The following SDK2 variants were observed in gnomAD, a reference collection of about 807,000 sequenced individuals.
SDK2 encodes sidekick cell adhesion molecule 2, also known as protein sidekick-2.
SDK2 carries 105 observed loss-of-function variants against 253.9 expected under a neutral mutation model. That is an observed-to-expected ratio of 0.41 (90% CI 0.35 to 0.49). The LOEUF (loss-of-function observed/expected upper bound fraction) is 0.49, where lower values mean the gene tolerates loss of function less well. Among genes scored for constraint, SDK2 ranks in the 20% least tolerant of loss-of-function variants. The probability of loss-of-function intolerance (pLI) is 0.06; values close to 1 mark genes in which losing one functional copy is unlikely to be tolerated. For synonymous variants in SDK2, 1,249 were observed against 1,234.9 expected, an observed-to-expected ratio of 1.01 and a Z score of -0.24; for missense variants, 2,608 against 3,003.0, an observed-to-expected ratio of 0.87 and a Z score of 3.07.
At chr17:73,551,684 C>A (rs9891077) in intron 1 of SDK2, among the ~76,000 whole-genome samples, 40,591 of 152,054 alleles carry the variant, frequency 0.27, 7,606 homozygotes, top group African/African-American at 0.53. Flanking sequence ...TTGCTATGGA[C>A]GCTGTGGATG....
At chr17:73,359,883 C>T (rs2062626782) in intron 39 of SDK2, among the ~76,000 whole-genome samples, 1 of 152,198 alleles carries the variant, frequency 6.6e-6, no homozygotes, top group African/African-American at 2.4e-5. Flanking sequence ...CTCAGGCAAT[C>T]CACCCGCCTC....
intron 1 of SDK2, among the ~76,000 whole-genome samples, chr17:73,548,004 T>G (rs2044993061): frequency 6.6e-6 from 1 of 152,110 alleles, no homozygotes; most frequent in African/African-American, 2.4e-5. Context: ...GATGGGGAAG[T>G]GCCACACACT....
At chr17:73,392,012 G>T (rs543560264) in intron 27 of SDK2, among the ~76,000 whole-genome samples, 1 of 152,284 alleles carries the variant, frequency 6.6e-6, no homozygotes, top group Non-Finnish European at 1.5e-5. Flanking sequence ...TCCCTGCCCA[G>T]AGAGGCCTAA....
At position 73,592,557 on chromosome 17, in the gene SDK2, T is replaced by A. The variant is rs116418431; in HGVS notation, c.64+51468A>T. Among the ~76,000 whole-genome samples, 941 of 152,248 alleles carry A rather than the reference T, an allele frequency of 6.2e-3. 12 individuals are homozygous for A. Among genetic ancestry groups the A allele is most frequent in the African/African-American group, 0.022 (907 of 41,532 alleles). On this transcript the variant is annotated intron_variant, in intron 1 of 44. Coordinates refer to ENST00000392650, the MANE Select transcript of SDK2 (RefSeq NM_001144952.2). ...TGTCCCCACCACCTCCTGGCCTGGTTAGCTGGCTTCCAGAAATGTGACTGT... is the reference window on the plus strand; with the variant it reads ...TGTCCCCACCACCTCCTGGCCTGGTAAGCTGGCTTCCAGAAATGTGACTGT...
At chr17:73,608,191 T>C (rs533456261) in intron 1 of SDK2, among the ~76,000 whole-genome samples, 72 of 152,186 alleles carry the variant, frequency 4.7e-4, no homozygotes, top group African/African-American at 1.6e-3. Context: ...TTGGACGACC[T>C]CAACAGTTTT....
rs1366094682 is a variant in SDK2, at chr17:73,390,102, T to G, written c.4192+185A>C. Among the ~76,000 whole-genome samples the G allele has an allele frequency of 2.6e-5, 4 of 152,350 alleles. No individual in the cohort carries two copies. The East Asian group carries it at 7.7e-4, about 29-fold the overall frequency. On this transcript the variant is annotated intron_variant, in intron 29 of 44. Transcript: ENST00000392650. ...AGAGTAGGGTCCTTGGGTGTGAACT[T>G]GCGGCTCATCTCTGGGAGTCTATTA...
At position 73,616,468 on chromosome 17, in the gene SDK2, G is replaced by A. The variant is rs1368147380; in HGVS notation, c.64+27557C>T. 2.0e-5 allele frequency among the ~76,000 whole-genome samples: 3 copies of A among 152,176 alleles called. No homozygotes were observed. The highest frequency in any genetic ancestry group is 2.9e-5 in the Non-Finnish European group (2 of 68,044). ...GACCGTGGCCTCAAGGACCACTGTCGCAATGCTTAGGCCTGAGCACGCATT... is the reference window on the plus strand; with the variant it reads ...GACCGTGGCCTCAAGGACCACTGTCACAATGCTTAGGCCTGAGCACGCATT... On this transcript the variant is annotated intron_variant, in intron 1 of 44. Coordinates refer to ENST00000392650, the MANE Select transcript of SDK2 (RefSeq NM_001144952.2). This position sits in a 1 kb window ranked among gnomAD's most constrained non-coding sequence, Gnocchi z 5.2.
intron 1 of SDK2, among the ~76,000 whole-genome samples, chr17:73,613,544 C>T (rs1393953485): frequency 6.6e-6 from 1 of 152,016 alleles, no homozygotes; most frequent in African/African-American, 2.4e-5. Context: ...TGTTTGCAGG[C>T]ATTTGGGAGG....
At position 73,442,587 on chromosome 17, in the gene SDK2, C is replaced by T. The variant is rs141137186; in HGVS notation, c.614-1664G>A. ...AACTTCTGACCTCAGATGATCCACC[C>T]GCCTCGGCCTCCCAAAGTGCTGGGA... On this transcript the variant is annotated intron_variant, in intron 5 of 44. Transcript: ENST00000392650. Among the ~76,000 whole-genome samples, 373 of 152,196 alleles carry T rather than the reference C, an allele frequency of 2.5e-3. 13 individuals carry two copies. In the East Asian group the frequency reaches 0.065, roughly 26 times the overall value.
rs752387979 is a variant in SDK2, at chr17:73,431,624, G to A, written c.1358C>T (p.Thr453Ile). Reference sequence around the variant, plus strand: ...GAGGAGGCTGCCCGACTCCAGGGGTGTGAAGCGAGGCAGCTGCACAGAGCC... The same window carrying A: ...GAGGAGGCTGCCCGACTCCAGGGGTATGAAGCGAGGCAGCTGCACAGAGCC... ...ASGSVQLPRFTPLESGSLLIS... is the reference protein window; with the variant it reads ...ASGSVQLPRFIPLESGSLLIS... The change falls in exon 11 of 45, where the codon ACA becomes ATA. Residue 453 changes from threonine to isoleucine, a missense_variant. Physicochemically the swap from Thr to Ile is moderately conservative, Grantham distance 89. Coordinates refer to ENST00000392650, the MANE Select transcript of SDK2 (RefSeq NM_001144952.2). The surrounding 1 kb of genome is among the most constrained non-coding windows in gnomAD (Gnocchi z 5.6). 1 of 1,613,246 alleles carries A rather than the reference G, an allele frequency of 6.2e-7. No individual in the cohort carries two copies. Among genetic ancestry groups the A allele is most frequent in the Non-Finnish European group, 8.5e-7 (1 of 1,179,608 alleles).
intron 1 of SDK2, among the ~76,000 whole-genome samples, chr17:73,627,867 G>A (rs2046221830): frequency 2.0e-5 from 3 of 152,146 alleles, no homozygotes; most frequent in South Asian, 4.1e-4. Flanking sequence ...GGCTAACACG[G>A]TGAAACCCCG....
At position 73,541,088 on chromosome 17, in the gene SDK2, C is replaced by A. The variant is rs1219908261; in HGVS notation, c.65-33491G>T. Reference sequence around the variant, plus strand: ...GAGTAGGTGTCTGCCAGTGTCTGCCCAGCCCCTAACATGGGGCACCCCTCC... The same window carrying A: ...GAGTAGGTGTCTGCCAGTGTCTGCCAAGCCCCTAACATGGGGCACCCCTCC... On this transcript the variant is annotated intron_variant, in intron 1 of 44. Coordinates refer to ENST00000392650, the MANE Select transcript of SDK2 (RefSeq NM_001144952.2). The surrounding 1 kb of genome is among the most constrained non-coding windows in gnomAD (Gnocchi z 4.3). Among the ~76,000 whole-genome samples the A allele has an allele frequency of 6.6e-6, 1 of 152,230 alleles. No homozygotes were observed. Among genetic ancestry groups the A allele is most frequent in the Non-Finnish European group, 1.5e-5 (1 of 68,038 alleles).
intron 1 of SDK2, among the ~76,000 whole-genome samples, chr17:73,568,876 C>T (rs557555331): frequency 2.6e-5 from 4 of 152,274 alleles, no homozygotes; most frequent in Admixed American, 2.6e-4. Context: ...TCTCTGCAGG[C>T]TTCATGTACT....
intron 1 of SDK2, among the ~76,000 whole-genome samples, chr17:73,589,199 C>T (rs2045648098): frequency 6.6e-6 from 1 of 152,274 alleles, no homozygotes; most frequent in Admixed American, 6.5e-5. Context: ...GGAGTAGTCC[C>T]AGGATGCAAG....
Position 73,338,929 on chromosome 17 carries a change from G to C in SDK2, c.6177C>G (p.Ser2059Arg), listed in dbSNP as rs769305408. Reference sequence around the variant, plus strand: ...GGTGGTTTGAGTCGACCTCGTACTCGCTGTCACTTCCCTGGGAGGACAGAG... The same window carrying C: ...GGTGGTTTGAGTCGACCTCGTACTCCCTGTCACTTCCCTGGGAGGACAGAG... ...SEISDSQGSD[S>R]EYEVDSNHQK... Residue 2059 changes from serine (S) to arginine (R), a missense_variant, in exon 45 of 45, where the codon AGC (serine) becomes AGG (arginine). By Grantham distance (110) the Ser-to-Arg change is moderately radical (BLOSUM62 -1). Coordinates refer to ENST00000392650, the MANE Select transcript of SDK2 (RefSeq NM_001144952.2). This position sits in a 1 kb window ranked among gnomAD's most constrained non-coding sequence, Gnocchi z 5.0. 6.2e-7 allele frequency: 1 copy of C among 1,613,870 alleles called. No individual in the cohort carries two copies. Among genetic ancestry groups the C allele is most frequent in the South Asian group, 1.1e-5 (1 of 91,072 alleles).
intron 1 of SDK2, among the ~76,000 whole-genome samples, chr17:73,621,921 T>A (rs2046138036): frequency 6.6e-6 from 1 of 152,182 alleles, no homozygotes; most frequent in Non-Finnish European, 1.5e-5. Context: ...ATTTACAGAT[T>A]CAAGATGGTC....
chr17:73,560,920 C>T (rs2045223486), intron 1 of SDK2, among the ~76,000 whole-genome samples: 1 of 152,184 alleles, frequency 6.6e-6, no homozygotes, highest in Non-Finnish European at 1.5e-5. Flanking sequence ...AGACAGGATC[C>T]TCTTTGAGGT....
intron 1 of SDK2, among the ~76,000 whole-genome samples, chr17:73,515,730 C>T (rs1186669137): frequency 6.6e-6 from 1 of 152,220 alleles, no homozygotes; most frequent in Non-Finnish European, 1.5e-5. Context: ...CGAGGAACCA[C>T]CTTTTCAAGA....
At chr17:73,530,746 A>G (rs1195963188) in intron 1 of SDK2, among the ~76,000 whole-genome samples, 2 of 152,234 alleles carry the variant, frequency 1.3e-5, no homozygotes, top group African/African-American at 2.4e-5. Flanking sequence ...GATGGCCTTA[A>G]CAAATGTCAC....
Sources: gnomAD v4.1 joint callset for allele counts (sites outside exome capture counted in the v4.1 genomes callset) on GRCh38, gnomAD v4.1.1 for gene constraint, Gnocchi (gnomAD v3.1) non-coding constraint, MANE v1.5 for transcripts, NCBI Gene and HGNC (gene_info 2026-07-23, HGNC 2026-07-21) for gene names.